ZDHHC14: variants seen among roughly 807,000 people sequenced by gnomAD.
ZDHHC14 encodes the protein zDHHC palmitoyltransferase 14.
In ZDHHC14, 16 loss-of-function variants were observed where a neutral mutation model predicts 47.7. That is an observed-to-expected ratio of 0.34 (90% CI 0.23 to 0.51). The LOEUF (loss-of-function observed/expected upper bound fraction) is 0.51, where lower values mean the gene tolerates loss of function less well. ZDHHC14 is among the 20% of genes least tolerant of loss of function. The pLI, the probability that ZDHHC14 is intolerant of heterozygous loss-of-function variation, is 0.97. For synonymous variants in ZDHHC14, 293 were observed against 278.9 expected (o/e 1.05, Z -0.50); for missense variants, 515 against 662.5 (o/e 0.78, Z 2.44).
chr6:157,405,591 C>G (rs1371004246), intron 1 of ZDHHC14, among the ~76,000 whole-genome samples: 1 of 152,012 alleles, frequency 6.6e-6, no homozygotes, highest in Non-Finnish European at 1.5e-5. Context: ...AAATTTTGGT[C>G]AGAAAAACCT....
At chr6:157,545,699 G>A (rs1444740463) in intron 2 of ZDHHC14, among the ~76,000 whole-genome samples, 1 of 151,882 alleles carries the variant, frequency 6.6e-6, no homozygotes, top group Non-Finnish European at 1.5e-5. Context: ...AGTAGAAGGA[G>A]GGTGGGAAGG....
chr6:157,565,998 C>T (rs1271888385), intron 2 of ZDHHC14, among the ~76,000 whole-genome samples: 1 of 152,136 alleles, frequency 6.6e-6, no homozygotes, highest in Non-Finnish European at 1.5e-5. Context: ...CTTTCCTCTG[C>T]CCCTGGCTTT....
At chr6:157,614,511 G>A (rs1410025416) in intron 3 of ZDHHC14, among the ~76,000 whole-genome samples, 1 of 152,162 alleles carries the variant, frequency 6.6e-6, no homozygotes, top group Non-Finnish European at 1.5e-5. Context: ...AGAAGGGGCT[G>A]TTGACTAGGC....
At chr6:157,469,523 A>T (rs1779305682) in intron 1 of ZDHHC14, among the ~76,000 whole-genome samples, 1 of 152,226 alleles carries the variant, frequency 6.6e-6, no homozygotes, top group Admixed American at 6.5e-5. Context: ...AAACAACTCC[A>T]AAATCTTAGT....
intron 1 of ZDHHC14, among the ~76,000 whole-genome samples, chr6:157,405,446 A>C (rs1352613437): frequency 1.3e-5 from 2 of 152,012 alleles, no homozygotes; most frequent in African/African-American, 2.4e-5. Flanking sequence ...GTTGGCCAGG[A>C]TGGTCTCGAT....
chr6:157,409,850 A>G (rs1429863135), intron 1 of ZDHHC14, among the ~76,000 whole-genome samples: 10 of 145,862 alleles, frequency 6.9e-5, no homozygotes, highest in East Asian at 2.0e-4. Flanking sequence ...GGGGGGGGGG[A>G]CAGAGTCTTC....
Position 157,484,092 on chromosome 6 carries a change from T to C in ZDHHC14, c.246-58493T>C, listed in dbSNP as rs554092090. On this transcript the variant is annotated intron_variant, in intron 1 of 8. Transcript: ENST00000359775. The stretch of plus-strand genomic sequence containing the variant: ...TAACTTATAAGTGGGAGCTAAACAA[T>C]GAGAACACACAGACACAAAGAGGGG... Among the ~76,000 whole-genome samples, 4 of 150,976 alleles carry C rather than the reference T, an allele frequency of 2.6e-5. No individual in the cohort carries two copies. The South Asian group carries it at 8.4e-4, about 32-fold the overall frequency.
rs1217411011 is a variant in ZDHHC14, at chr6:157,673,373, T to C, written c.*251T>C. On this transcript the variant is annotated 3_prime_UTR_variant, in exon 9 of 9. Coordinates refer to ENST00000359775, the MANE Select transcript of ZDHHC14 (RefSeq NM_024630.3). This position sits in a 1 kb window ranked among gnomAD's most constrained non-coding sequence, Gnocchi z 5.4. ...CAATGGAAATAGAGAAGTGGCTGCT[T>C]TCTTTTGGTGACCCTCCAGGGGTGG... The C allele has an allele frequency of 1.1e-5, 6 of 543,790 alleles. No homozygotes were observed. The East Asian group carries it at 2.0e-4, about 19-fold the overall frequency. The allele number at this position is 543,790 out of a possible 1,614,324, so 33.7% of individuals were successfully genotyped here. A position where few individuals can be genotyped will look rare whatever the true frequency, so the allele number is the denominator to read the frequency against.
intron 1 of ZDHHC14, among the ~76,000 whole-genome samples, chr6:157,451,298 T>C (rs1043309957): frequency 2.6e-5 from 4 of 152,182 alleles, no homozygotes; most frequent in Non-Finnish European, 4.4e-5. Context: ...ATAATAACCT[T>C]GTCCATTTTT....
chr6:157,412,721 C>T (rs192764575), intron 1 of ZDHHC14, among the ~76,000 whole-genome samples: 80 of 152,328 alleles, frequency 5.3e-4, no homozygotes, highest in African/African-American at 1.8e-3. Flanking sequence ...TAAGCACAAG[C>T]GCACCATAGT....
chr6:157,505,986 T>C (rs1176857463), intron 1 of ZDHHC14, among the ~76,000 whole-genome samples: 1 of 152,240 alleles, frequency 6.6e-6, no homozygotes, highest in Non-Finnish European at 1.5e-5. Context: ...AGATGAGCTC[T>C]AGTGTAGATA....
intron 2 of ZDHHC14, among the ~76,000 whole-genome samples, chr6:157,570,629 A>C (rs949145780): frequency 1.3e-5 from 2 of 152,166 alleles, no homozygotes; most frequent in African/African-American, 4.8e-5. Context: ...GGTAGTCATT[A>C]ATTTTCATTT....
At chr6:157,386,635 G>T (rs1162741320) in intron 1 of ZDHHC14, among the ~76,000 whole-genome samples, 1 of 152,198 alleles carries the variant, frequency 6.6e-6, no homozygotes, top group Admixed American at 6.5e-5. Flanking sequence ...GCACTGTGTG[G>T]AGTACTGATG....
chr6:157,625,597 C>T (rs572871182), intron 3 of ZDHHC14, among the ~76,000 whole-genome samples: 185 of 152,182 alleles, frequency 1.2e-3, no homozygotes, highest in African/African-American at 4.4e-3. Flanking sequence ...GGAGAGCACG[C>T]AGGCTCGAGG....
At chr6:157,668,756 A>T (rs1173217564) in intron 8 of ZDHHC14, among the ~76,000 whole-genome samples, 1 of 152,174 alleles carries the variant, frequency 6.6e-6, no homozygotes, top group Non-Finnish European at 1.5e-5. Flanking sequence ...CTTCTTTCAC[A>T]AATATTATTT....
rs1480962639 is a variant in ZDHHC14, at chr6:157,382,007, C to T, written c.-15C>T. ...GCTCCTGGGGGTGTGCGCCCCCAGC[C>T]GGCTGCCCTCGTGGATGCCTCCCGG... On this transcript the variant is annotated 5_prime_UTR_variant, in exon 1 of 9. Transcript: ENST00000359775. The T allele has an allele frequency of 1.1e-5, 15 of 1,421,226 alleles. No individual in the cohort carries two copies. Among genetic ancestry groups the T allele is most frequent in the Admixed American group, 2.9e-5 (1 of 33,962 alleles). The allele number at this position is 1,421,226 out of a possible 1,614,324, so 88.0% of individuals were successfully genotyped here.
intron 2 of ZDHHC14, among the ~76,000 whole-genome samples, chr6:157,549,417 G>A (rs1782129417): frequency 6.6e-6 from 1 of 152,214 alleles, no homozygotes; most frequent in African/African-American, 2.4e-5. Flanking sequence ...ATGTCTAGAT[G>A]TTCCGTGATG....
intron 1 of ZDHHC14, among the ~76,000 whole-genome samples, chr6:157,466,668 T>A (rs2114820725): frequency 6.6e-6 from 1 of 151,934 alleles, no homozygotes; most frequent in South Asian, 2.1e-4. Flanking sequence ...TGAAACGCCG[T>A]CTCTACTAAA....
chr6:157,532,744 A>G (rs1020694792), intron 1 of ZDHHC14, among the ~76,000 whole-genome samples: 2 of 152,366 alleles, frequency 1.3e-5, no homozygotes, highest in Middle Eastern at 3.4e-3. Flanking sequence ...CCCCAAAACA[A>G]TTAGACTAAT....
Sources: allele counts gnomAD v4.1 joint callset (sites outside exome capture counted in the v4.1 genomes callset), GRCh38; gene constraint gnomAD v4.1.1; non-coding constraint Gnocchi (gnomAD v3.1); transcripts MANE v1.5; gene names NCBI Gene and HGNC (gene_info 2026-07-23, HGNC 2026-07-21).